Variants in DPPA2 observed in about 807,000 individuals in gnomAD.
The protein encoded by DPPA2 is developmental pluripotency associated 2.
DPPA2 carries 26 observed loss-of-function variants against 36.2 expected under a neutral mutation model. The observed-to-expected ratio is 0.72, with a 90% CI of 0.53 to 1.00. The LOEUF (loss-of-function observed/expected upper bound fraction) is 1.00, where lower values mean the gene tolerates loss of function less well. Ranked by LOEUF, DPPA2 falls within the 50% of genes least tolerant of loss-of-function variation. The probability of loss-of-function intolerance (pLI) is 0.00; values close to 1 mark genes in which losing one functional copy is unlikely to be tolerated. For synonymous variants in DPPA2, 113 were observed against 123.2 expected, an observed-to-expected ratio of 0.92 and a Z score of 0.55; for missense variants, 361 against 365.1, an observed-to-expected ratio of 0.99 and a Z score of 0.09.
At chr3:109,303,885 C>T (rs902671138) in intron 7 of DPPA2, among the ~76,000 whole-genome samples, 3 of 151,928 alleles carry the variant, frequency 2.0e-5, no homozygotes, top group Non-Finnish European at 4.4e-5. Flanking sequence ...GCCCTTAATA[C>T]CAGTACTTTG....
rs144079145 is a variant in DPPA2 at position 109,299,340 on chromosome 3, G to A, written c.*22+1031C>T. Among the ~76,000 whole-genome samples the A allele has an allele frequency of 2.5e-3, 377 of 152,036 alleles. 2 individuals carry two copies. Among genetic ancestry groups the A allele is most frequent in the African/African-American group, 8.5e-3 (354 of 41,498 alleles). ...AGCCTGGCCAATATGGCAAAACCCC[G>A]TTTCTACTAATACAAAAAAATTAGC... On this transcript the variant is annotated intron_variant, in intron 8 of 8. Transcript: ENST00000478945.
At chr3:109,310,628 C>G (rs1198492678) in intron 3 of DPPA2, among the ~76,000 whole-genome samples, 7 of 151,376 alleles carry the variant, frequency 4.6e-5, no homozygotes, top group Non-Finnish European at 8.8e-5. Context: ...GCCTCAGCCT[C>G]CCGAGTAGGT....
chr3:109,294,610 G>C (rs4855717), intron 8 of DPPA2, among the ~76,000 whole-genome samples: 146,693 of 152,330 alleles, frequency 0.96, 70,825 homozygotes, highest in East Asian at 1. Flanking sequence ...AAAGGGTGAG[G>C]TGAAGTGCTT....
chr3:109,303,492 C>T (rs1707495734), intron 7 of DPPA2, among the ~76,000 whole-genome samples: 1 of 151,894 alleles, frequency 6.6e-6, no homozygotes, highest in Non-Finnish European at 1.5e-5. Flanking sequence ...GCCTCAGTCT[C>T]CCGAGTAGCT....
chr3:109,307,232 G>C (rs572214695), intron 6 of DPPA2, among the ~76,000 whole-genome samples: 9 of 151,964 alleles, frequency 5.9e-5, no homozygotes, highest in African/African-American at 1.9e-4. Context: ...GCCTCCCAAA[G>C]TTATAGGCAT....
intron 6 of DPPA2, among the ~76,000 whole-genome samples, chr3:109,305,997 G>A (rs776933599): frequency 2.6e-5 from 4 of 152,094 alleles, no homozygotes; most frequent in East Asian, 1.9e-4. Context: ...TTAAGGAGAC[G>A]GGATATTTGC....
intron 3 of DPPA2, among the ~76,000 whole-genome samples, chr3:109,312,068 C>T (rs10933982): frequency 0.43 from 65,472 of 152,038 alleles, 15,751 homozygotes; most frequent in East Asian, 0.7. Context: ...ACAGGCCAGG[C>T]GTGGTGGCTA....
At chr3:109,298,538 C>T (rs540702948) in intron 8 of DPPA2, among the ~76,000 whole-genome samples, 5 of 151,256 alleles carry the variant, frequency 3.3e-5, no homozygotes, top group East Asian at 2.0e-4. Flanking sequence ...CATGGTGAAA[C>T]CCCATCTCTA....
In DPPA2 at chr3:109,301,722, G is replaced by A. The variant is rs191459040; in HGVS notation, c.855-1287C>T. On this transcript the variant is annotated intron_variant, in intron 7 of 8. Transcript: ENST00000478945. Reference sequence around the variant, plus strand: ...AAAATGGGAAGAAGGGAAGAATGACGAGAGTCAGTGAGGGAGGGAAAAAAG... The same window carrying A: ...AAAATGGGAAGAAGGGAAGAATGACAAGAGTCAGTGAGGGAGGGAAAAAAG... 4.6e-5 allele frequency among the ~76,000 whole-genome samples: 7 copies of A among 152,010 alleles called. No homozygotes were observed. The East Asian group carries it at 1.4e-3, about 29-fold the overall frequency.
At position 109,304,577 on chromosome 3, in the gene DPPA2, G is replaced by C; in HGVS notation, c.752C>G (p.Pro251Arg). 6.2e-7 allele frequency: 1 copy of C among 1,614,080 alleles called. No homozygotes were observed. The highest frequency in any genetic ancestry group is 8.5e-7 in the Non-Finnish European group (1 of 1,180,020). ...LQFHAGQAWV[P>R]TTHRRMISLF... ...AGAAATCATCCTCCTGTGAGTGGTA[G>C]GCACCCAGGCCTGACCTGCATGAAA... Residue 251 changes from proline to arginine, a missense_variant, in exon 7 of 9, where the codon CCT becomes CGT. Transcript: ENST00000478945.
chr3:109,301,704 G>T (rs1707460264), intron 7 of DPPA2, among the ~76,000 whole-genome samples: 1 of 151,538 alleles, frequency 6.6e-6, no homozygotes, highest in African/African-American at 2.4e-5. Flanking sequence ...AGAAAAATGG[G>T]AAGAAGGGAA....
intron 8 of DPPA2, among the ~76,000 whole-genome samples, chr3:109,299,115 T>G (rs1023899345): frequency 1.1e-4 from 16 of 150,488 alleles, no homozygotes; most frequent in Non-Finnish European, 2.2e-4. Context: ...ATCCTAGCAC[T>G]GGGAGGCTGA....
intron 7 of DPPA2, among the ~76,000 whole-genome samples, chr3:109,304,273 C>CAA (rs762555789): frequency 3.0e-5 from 4 of 135,072 alleles, no homozygotes; most frequent in African/African-American, 1.1e-4. Context: ...AACTCCATCT[C>CAA]AAAAAAAAAA....
rs772463387 is a variant in DPPA2 at position 109,314,506 on chromosome 3, T to C, written c.33+4A>G. ...AAAAGTAATTCTATTAGAATGAAAC[T>C]TACCTTCTTGCTGCTATCCAAATTT... On this transcript the variant is annotated splice_donor_region_variant and intron_variant, in intron 2 of 8. Coordinates refer to ENST00000478945, the MANE Select transcript of DPPA2 (RefSeq NM_138815.4). 3.1e-6 allele frequency: 5 copies of C among 1,609,478 alleles called. No individual in the cohort carries two copies. The highest frequency in any genetic ancestry group is 2.2e-5 in the South Asian group (2 of 90,384).
At chr3:109,314,430 A>G in intron 2 of DPPA2, 80 bp downstream of exon 2, 2 of 1,419,972 alleles carry the variant, frequency 1.4e-6, no homozygotes, top group South Asian at 2.9e-5. Context: ...GATTTGTGGT[A>G]AAAGAGAAAC....
At chr3:109,299,337 C>T (rs1300150578) in intron 8 of DPPA2, among the ~76,000 whole-genome samples, 1 of 151,984 alleles carries the variant, frequency 6.6e-6, no homozygotes, top group Non-Finnish European at 1.5e-5. Flanking sequence ...ATGGCAAAAC[C>T]CCGTTTCTAC....
chr3:109,300,821 C>CAAAAAA (rs767043097), intron 7 of DPPA2, among the ~76,000 whole-genome samples: 1 of 68,086 alleles, frequency 1.5e-5, no homozygotes, highest in Non-Finnish European at 3.1e-5. Flanking sequence ...GACTCAGTCT[C>CAAAAAA]AAAAAAAAAA....
chr3:109,300,776 C>T (rs1165987167), intron 7 of DPPA2, among the ~76,000 whole-genome samples: 1 of 144,130 alleles, frequency 6.9e-6, no homozygotes, highest in African/African-American at 2.6e-5. Context: ...GAGCCGAGAC[C>T]AAGCCACTGA....
chr3:109,313,840 G>C (rs1227779064), intron 2 of DPPA2, among the ~76,000 whole-genome samples: 1 of 152,134 alleles, frequency 6.6e-6, no homozygotes. Context: ...CTCTATTACA[G>C]AGAAAAGTAG....
Sources: gnomAD v4.1 joint callset for allele counts (sites outside exome capture counted in the v4.1 genomes callset) on GRCh38, gnomAD v4.1.1 for gene constraint, MANE v1.5 for transcripts, NCBI Gene and HGNC (gene_info 2026-07-23, HGNC 2026-07-21) for gene names.